Variants in RNASE9 observed in about 807,000 individuals in gnomAD.
The protein encoded by RNASE9 is ribonuclease A family member 9 (inactive).
For synonymous variants in RNASE9, 95 were observed against 87.6 expected (o/e 1.08, Z -0.47); for missense variants, 263 against 247.1 (o/e 1.06, Z -0.43).
exon 3 of RNASE9, chr14:20,557,080 G>A: frequency 6.3e-7 from 1 of 1,595,152 alleles, no homozygotes; most frequent in Non-Finnish European, 8.5e-7. Flanking sequence ...TTTTCCTGCA[G>A]ACACTAAAAG....
exon 3 of RNASE9, chr14:20,558,138 C>G: frequency 3.5e-6 from 1 of 289,256 alleles, no homozygotes. Flanking sequence ...CATGAAGAAC[C>G]AATTATTTAA....
chr14:20,556,474 C>T (rs1883691912), exon 3 of RNASE9: 6 of 1,611,720 alleles, frequency 3.7e-6, no homozygotes, highest in South Asian at 1.1e-5. Context: ...GACAAAGACA[C>T]CATCCTCACT....
chr14:20,556,505 G>C, exon 3 of RNASE9: 2 of 1,613,664 alleles, frequency 1.2e-6, no homozygotes, highest in Non-Finnish European at 1.7e-6. Context: ...CTGTGTTCAG[G>C]TGGCTCCACG....
intron 2 of RNASE9, among the ~76,000 whole-genome samples, chr14:20,558,872 A>G (rs1033088000): frequency 1.3e-5 from 2 of 152,106 alleles, no homozygotes; most frequent in African/African-American, 4.8e-5. Context: ...TAAATACTGT[A>G]TTTTGTTACT....
At chr14:20,560,522 G>GA (rs957363530) in intron 1 of RNASE9, among the ~76,000 whole-genome samples, 42 of 151,802 alleles carry the variant, frequency 2.8e-4, no homozygotes, top group African/African-American at 9.4e-4. Context: ...ACTTAAAAGG[G>GA]AAAAAAATTG....
chr14:20,556,506 T>C, exon 3 of RNASE9: 1 of 1,613,736 alleles, frequency 6.2e-7, no homozygotes, highest in Non-Finnish European at 8.5e-7. Context: ...TGTGTTCAGG[T>C]GGCTCCACGA....
At chr14:20,556,210 C>T (rs1461419718) in exon 3 of RNASE9, 1 of 441,726 alleles carries the variant, frequency 2.3e-6, no homozygotes, top group Non-Finnish European at 4.0e-6. Context: ...CCTTCCACTG[C>T]AGGCATCTGT....
chr14:20,558,705 C>A, intron 2 of RNASE9: 1 of 939,402 alleles, frequency 1.1e-6, no homozygotes. Context: ...GCAGCTGTGG[C>A]CCTGCCCTTT....
chr14:20,556,464 G>T, exon 3 of RNASE9: 1 of 1,609,474 alleles, frequency 6.2e-7, no homozygotes, highest in South Asian at 1.1e-5. Flanking sequence ...AGGGCGATAT[G>T]ACAAAGACAC....
intron 1 of RNASE9, among the ~76,000 whole-genome samples, chr14:20,559,859 A>T (rs1316406127): frequency 1.3e-5 from 2 of 152,220 alleles, no homozygotes; most frequent in South Asian, 2.1e-4. Flanking sequence ...GTTGCTATGA[A>T]CATGGGTGCA....
Position 20,556,703 on chromosome 14 carries a change from A to G in RNASE9, c.367T>C (p.Cys123Arg), listed in dbSNP as rs78916107. The G allele has an allele frequency of 3.5e-3, 5,623 of 1,613,856 alleles. 151 individuals carry two copies. The African/African-American group carries it at 0.065, about 19-fold the overall frequency. Reference sequence around the variant, plus strand: ...TTACATTTCCTAATTCCATTCTTACATGGCACAAATCTGTTGTAACAGATT... The same window carrying G: ...TTACATTTCCTAATTCCATTCTTACGTGGCACAAATCTGTTGTAACAGATT... The change falls in exon 3 of 3, where the codon TGT becomes CGT. Residue 123 changes from cysteine to arginine, a missense_variant. By Grantham distance (180) the Cys-to-Arg change is radical. Transcript: ENST00000555230.
intron 1 of RNASE9, among the ~76,000 whole-genome samples, chr14:20,560,600 T>C (rs1249597675): frequency 2.0e-5 from 3 of 152,070 alleles, no homozygotes; most frequent in African/African-American, 4.8e-5. Context: ...GATGTGTTTA[T>C]AGAAATGACA....
At chr14:20,558,753 A>G (rs886818550) in intron 2 of RNASE9, 7 of 643,600 alleles carry the variant, frequency 1.1e-5, no homozygotes, top group Non-Finnish European at 2.0e-5. Flanking sequence ...TGTCCAGAAT[A>G]CTCTTTTGTT....
chr14:20,557,161 C>T (rs2138857144), exon 3 of RNASE9: 1 of 1,354,562 alleles, frequency 7.4e-7, no homozygotes, highest in East Asian at 2.3e-5. Flanking sequence ...AGTTATGCCA[C>T]ATGTTGCTGT....
Position 20,556,312 on chromosome 14 carries a change from T to C in RNASE9, c.*140A>G, listed in dbSNP as rs879189596. 1.4e-4 allele frequency: 93 copies of C among 650,674 alleles called. 1 individual carries two copies. Among genetic ancestry groups the C allele is most frequent in the South Asian group, 1.0e-3 (51 of 48,928 alleles). The allele number at this position is 650,674 out of a possible 1,614,324, so 40.3% of individuals were successfully genotyped here. On this transcript the variant is annotated 3_prime_UTR_variant, in exon 3 of 3. Transcript: ENST00000555230. ...CTGTGAACCTAGCCTAAGGTGCTTT[T>C]GTGAGGTGTTGGGAAAGGAAGAAAG...
At position 20,559,814 on chromosome 14, in the gene RNASE9, T is replaced by A. The variant is rs1445349666; in HGVS notation, c.-1633-181A>T. 5.3e-5 allele frequency among the ~76,000 whole-genome samples: 8 copies of A among 152,332 alleles called. No homozygotes were observed. The East Asian group carries it at 1.2e-3, about 22-fold the overall frequency. ...AAATGTTCTTGGAAGAAGAATGGGA[T>A]GAATTGCTTCCTCCTTTTGGCTATT... On this transcript the variant is annotated intron_variant, in intron 1 of 2. Coordinates refer to ENST00000555230, the Ensembl canonical transcript of RNASE9.
exon 3 of RNASE9, chr14:20,557,058 A>T (rs761017448): frequency 6.2e-7 from 1 of 1,603,112 alleles, no homozygotes; most frequent in Admixed American, 1.8e-5. Context: ...TGGTGATGAG[A>T]GTTCTCATCA....
chr14:20,558,305 C>CTAAG lies in RNASE9; in HGVS notation c.-1240_-1237dup. 1.7e-5 allele frequency: 10 copies of CTAAG among 596,976 alleles called. No homozygotes were observed. The South Asian group carries it at 2.0e-4, about 12-fold the overall frequency. 37.0% of individuals were successfully genotyped at this position (596,976 alleles called of 1,614,324 possible). On this transcript the variant is annotated 5_prime_UTR_variant, in exon 3 of 3. Transcript: ENST00000555230. Reference sequence around the variant, plus strand: ...ACAGCCTCCTGTTCTAGGCTGGATACTAAGTTTGTATATATGTGTGTAGAA... The same window carrying CTAAG: ...ACAGCCTCCTGTTCTAGGCTGGATACTAAGTAAGTTTGTATATATGTGTGTAGAA...
At chr14:20,560,355 AGT>A (rs921311446) in intron 1 of RNASE9, 2 of 152,090 alleles carry the variant, frequency 1.3e-5, no homozygotes, top group African/African-American at 2.4e-5. Context: ...TGCTGATAAG[AGT>A]GTGATGAGAT....
Sources: allele counts gnomAD v4.1 joint callset (sites outside exome capture counted in the v4.1 genomes callset), GRCh38; gene constraint gnomAD v4.1.1; transcripts MANE v1.5; gene names NCBI Gene and HGNC (gene_info 2026-07-23, HGNC 2026-07-21).